PRELID2: variants seen among roughly 807,000 people sequenced by gnomAD.
PRELID2 encodes the protein PRELI domain-containing protein 2.
Under a neutral mutation model 28.4 loss-of-function variants are expected in PRELID2, and 25 were observed. That is an observed-to-expected ratio of 0.88 (90% CI 0.64 to 1.23). The LOEUF (loss-of-function observed/expected upper bound fraction) is 1.23. Ranked by LOEUF, PRELID2 falls within the 50% of genes most tolerant of loss-of-function variation. PRELID2 has a pLI of 0.00. For missense variants in PRELID2, 201 were observed against 214.4 expected (o/e 0.94, Z 0.39); for synonymous variants, 76 against 71.6 (o/e 1.06, Z -0.31).
chr5:145,272,073 G>T, the PRELID2 span, among the ~76,000 whole-genome samples: 1 of 142,540 alleles, frequency 7.0e-6, no homozygotes, highest in Non-Finnish European at 1.5e-5. Context: ...AGACATATTG[G>T]ATGGCAACAT....
At chr5:145,742,197 A>AT (rs1561569250) in intron 1 of PRELID2, among the ~76,000 whole-genome samples, 7 of 134,830 alleles carry the variant, frequency 5.2e-5, no homozygotes, top group South Asian at 4.3e-4. Context: ...TATAAATAAT[A>AT]ATATATAAAT....
intron 4 of PRELID2, among the ~76,000 whole-genome samples, chr5:145,813,426 C>CCCTAGT (rs1401226983): frequency 5.3e-5 from 8 of 152,138 alleles, no homozygotes; most frequent in Non-Finnish European, 5.9e-5. Context: ...GCATATCAAC[C>CCCTAGT]CCTAATCAGA....
At chr5:145,674,969 C>T (rs888316845) in intron 1 of PRELID2, among the ~76,000 whole-genome samples, 6 of 151,614 alleles carry the variant, frequency 4.0e-5, no homozygotes, top group African/African-American at 1.5e-4. Context: ...GTAAGACTAC[C>T]ACTATATCAG....
chr5:145,693,832 C>T (rs1027644459), intron 1 of PRELID2, among the ~76,000 whole-genome samples: 3 of 152,210 alleles, frequency 2.0e-5, no homozygotes, highest in African/African-American at 7.2e-5. Flanking sequence ...TGTACTGAAA[C>T]ACTCTATAGA....
intron 1 of PRELID2, among the ~76,000 whole-genome samples, chr5:145,613,691 A>G (rs1047049535): frequency 6.6e-6 from 1 of 151,812 alleles, no homozygotes; most frequent in Non-Finnish European, 1.5e-5. Flanking sequence ...TTTCTTACTG[A>G]TTTGTTTGAG....
chr5:145,495,530 T>C (rs762202875), intron 1 of PRELID2, among the ~76,000 whole-genome samples: 1 of 152,162 alleles, frequency 6.6e-6, no homozygotes, highest in Non-Finnish European at 1.5e-5. Flanking sequence ...AGGAAACAAT[T>C]CCATCATGAA....
chr5:145,461,430 G>A, the PRELID2 span, among the ~76,000 whole-genome samples: 2 of 152,042 alleles, frequency 1.3e-5, no homozygotes, highest in Non-Finnish European at 2.9e-5. Flanking sequence ...AGCCTTCCAA[G>A]TAGCTGGGAC....
chr5:145,598,408 T>A (rs1753341698), intron 1 of PRELID2, among the ~76,000 whole-genome samples: 2 of 152,278 alleles, frequency 1.3e-5, no homozygotes, highest in South Asian at 4.1e-4. Flanking sequence ...CGGTCTAGCA[T>A]CTATGTTTAG....
the PRELID2 span, among the ~76,000 whole-genome samples, chr5:145,269,710 C>CTA: frequency 2.7e-5 from 4 of 149,824 alleles, no homozygotes; most frequent in Admixed American, 6.7e-5. Flanking sequence ...ACTATACAAA[C>CTA]TATATATATA....
rs573920009 is a variant in PRELID2 at position 145,555,413 on chromosome 5, C to T, written n.71-82098G>A. ...GGACAGAGTACTTATTGAGCATCTA[C>T]TAAATGCCAGTTATTTGCTAGTCAC... On this transcript the variant is annotated intron_variant and non_coding_transcript_variant, in intron 1 of 2. Transcript: ENST00000510259. Among the ~76,000 whole-genome samples, 3 of 152,322 alleles carry T rather than the reference C, an allele frequency of 2.0e-5. No homozygotes were observed. In the South Asian group the frequency reaches 6.2e-4, roughly 32 times the overall value.
chr5:145,552,325 C>A (rs1327147423), intron 1 of PRELID2, among the ~76,000 whole-genome samples: 9 of 152,150 alleles, frequency 5.9e-5, no homozygotes, highest in African/African-American at 1.9e-4. Context: ...TCTCCCCCTG[C>A]AGCCTATTTG....
chr5:145,827,536 G>A (rs1755275102), intron 1 of PRELID2, among the ~76,000 whole-genome samples: 1 of 152,130 alleles, frequency 6.6e-6, no homozygotes, highest in African/African-American at 2.4e-5. Context: ...AGATCCTTCT[G>A]GCCAGGAAAA....
chr5:145,485,734 C>T (rs1052414403), intron 1 of PRELID2, among the ~76,000 whole-genome samples: 1 of 152,136 alleles, frequency 6.6e-6, no homozygotes, highest in African/African-American at 2.4e-5. Context: ...TAGCAAGCAC[C>T]CTTTTATCCA....
At chr5:145,432,531 C>A in the PRELID2 span, among the ~76,000 whole-genome samples, 2 of 151,086 alleles carry the variant, frequency 1.3e-5, no homozygotes, top group African/African-American at 4.9e-5. Flanking sequence ...TCAAGAAATT[C>A]AAAGCTGCCA....
chr5:145,514,754 C>A (rs1752498177), intron 1 of PRELID2, among the ~76,000 whole-genome samples: 1 of 151,980 alleles, frequency 6.6e-6, no homozygotes, highest in Non-Finnish European at 1.5e-5. Context: ...GGAAGTAAAA[C>A]ACTCCTTAGC....
At chr5:145,378,514 A>G in the PRELID2 span, among the ~76,000 whole-genome samples, 17 of 151,836 alleles carry the variant, frequency 1.1e-4, no homozygotes, top group African/African-American at 3.9e-4. Context: ...TTATTGTCTG[A>G]CTGTCTTATT....
At chr5:145,712,721 C>G (rs1282010333) in intron 1 of PRELID2, among the ~76,000 whole-genome samples, 2 of 151,940 alleles carry the variant, frequency 1.3e-5, no homozygotes, top group Non-Finnish European at 2.9e-5. Context: ...CCAGATATGG[C>G]TCACATGTTG....
chr5:145,523,435 C>T (rs532693514), intron 1 of PRELID2, among the ~76,000 whole-genome samples: 2 of 152,258 alleles, frequency 1.3e-5, no homozygotes, highest in East Asian at 3.9e-4. Flanking sequence ...AGAGTATTAG[C>T]TCAGGCCACT....
the PRELID2 span, among the ~76,000 whole-genome samples, chr5:145,459,618 A>T: frequency 1.3e-5 from 2 of 152,040 alleles, no homozygotes; most frequent in Non-Finnish European, 2.9e-5. Context: ...TTTTCATATT[A>T]TAAAATTTCC....
Sources: allele counts gnomAD v4.1 joint callset (sites outside exome capture counted in the v4.1 genomes callset), GRCh38; gene constraint gnomAD v4.1.1; transcripts MANE v1.5; gene names NCBI Gene and HGNC (gene_info 2026-07-23, HGNC 2026-07-21).